Variants in MICAL2 observed in about 807,000 individuals in gnomAD.
MICAL2 encodes [F-actin]-monooxygenase MICAL2.
In MICAL2, 77 loss-of-function variants were observed where a neutral mutation model predicts 127.3. The observed-to-expected ratio is 0.60, with a 90% CI of 0.50 to 0.73. The LOEUF is 0.73. MICAL2 is among the 30% of genes least tolerant of loss of function. The probability of loss-of-function intolerance (pLI) is 0.00; values close to 1 mark genes in which losing one functional copy is unlikely to be tolerated. For missense variants in MICAL2, 1,351 were observed against 1,434.4 expected (o/e 0.94, Z 0.94); for synonymous variants, 570 against 551.1 (o/e 1.03, Z -0.48).
intron 3 of MICAL2, among the ~76,000 whole-genome samples, chr11:12,174,291 A>G (rs1856593401): frequency 6.6e-6 from 1 of 152,162 alleles, no homozygotes; most frequent in African/African-American, 2.4e-5. Flanking sequence ...ATTCATCTCC[A>G]GAAGGTTTTC....
intron 1 of MICAL2, among the ~76,000 whole-genome samples, chr11:12,130,061 A>C (rs1443083686): frequency 6.6e-6 from 1 of 152,114 alleles, no homozygotes; most frequent in Non-Finnish European, 1.5e-5. Context: ...TTACTCCCGA[A>C]CTAAGCACAT....
chr11:12,149,694 G>A (rs913549659), intron 2 of MICAL2, among the ~76,000 whole-genome samples: 9 of 152,204 alleles, frequency 5.9e-5, no homozygotes, highest in African/African-American at 2.2e-4. Flanking sequence ...GGTTGGGGCT[G>A]CAGGAGAAGG....
chr11:12,290,811 G>A (rs1336108722), downstream of MICAL2, among the ~76,000 whole-genome samples: 3 of 152,320 alleles, frequency 2.0e-5, no homozygotes, highest in Admixed American at 6.5e-5. Flanking sequence ...GCACATGTTC[G>A]CATTGATGTA....
chr11:12,327,184 G>A (rs1454599753), exon 32 of MICAL2: 1 of 1,551,784 alleles, frequency 6.4e-7, no homozygotes, highest in South Asian at 1.2e-5. Context: ...CCATCCAGAG[G>A]CAGCTGGAGG....
At chr11:12,203,093 A>C (rs753020543) in intron 3 of MICAL2, among the ~76,000 whole-genome samples, 2 of 152,146 alleles carry the variant, frequency 1.3e-5, no homozygotes, top group Admixed American at 6.5e-5. Flanking sequence ...CATGTATTAG[A>C]ATTTCTTTCC....
At chr11:12,216,966 C>T (rs952204970) in intron 8 of MICAL2, among the ~76,000 whole-genome samples, 2 of 152,234 alleles carry the variant, frequency 1.3e-5, no homozygotes, top group Admixed American at 1.3e-4. Flanking sequence ...TCTGTAACTT[C>T]TCAGCCTTGT....
intron 32 of MICAL2, among the ~76,000 whole-genome samples, chr11:12,345,121 A>T (rs1248543100): frequency 6.6e-6 from 1 of 151,906 alleles, no homozygotes; most frequent in East Asian, 1.9e-4. Context: ...CATCTCAAAA[A>T]AAAAAAGAAA....
chr11:12,196,220 G>C (rs1388727804), intron 3 of MICAL2: 1 of 153,260 alleles, frequency 6.5e-6, no homozygotes, highest in Non-Finnish European at 1.5e-5. Context: ...GAAGAACCAA[G>C]ACTGATTCCA....
At position 12,186,490 on chromosome 11, in the gene MICAL2, C is replaced by T. The variant is rs536236429; in HGVS notation, c.265-17760C>T. Among the ~76,000 whole-genome samples, 4 of 152,232 alleles carry T rather than the reference C, an allele frequency of 2.6e-5. No homozygotes were observed. The South Asian group carries it at 8.3e-4, about 32-fold the overall frequency. On this transcript the variant is annotated intron_variant, in intron 3 of 27. Transcript: ENST00000683283. ...TATATAAATACTATATGTGACCTTC[C>T]CCTTTAAGATTATTTATCCCACGAT...
chr11:12,184,532 C>G (rs1857911588), intron 3 of MICAL2, among the ~76,000 whole-genome samples: 1 of 152,202 alleles, frequency 6.6e-6, no homozygotes, highest in African/African-American at 2.4e-5. Flanking sequence ...TCATCTGTCC[C>G]AGCGAATGTC....
chr11:12,287,708 G>C (rs576493420), downstream of MICAL2, among the ~76,000 whole-genome samples: 15 of 152,336 alleles, frequency 9.8e-5, no homozygotes, highest in Admixed American at 7.8e-4. Flanking sequence ...CTGGGGAAGA[G>C]CAGGGCTGTG....
At chr11:12,232,800 C>T (rs1858477764) in intron 15 of MICAL2, among the ~76,000 whole-genome samples, 1 of 152,144 alleles carries the variant, frequency 6.6e-6, no homozygotes, top group Non-Finnish European at 1.5e-5. Context: ...ACAGTAGTGC[C>T]CTCCTTATCT....
chr11:12,180,112 T>A (rs1211445979), intron 3 of MICAL2, among the ~76,000 whole-genome samples: 1 of 152,160 alleles, frequency 6.6e-6, no homozygotes, highest in Non-Finnish European at 1.5e-5. Flanking sequence ...AAATGCTTTT[T>A]TCAGGGCCAC....
chr11:12,283,389 A>G (rs183059433), intron 2 of MICAL2, among the ~76,000 whole-genome samples: 13 of 152,088 alleles, frequency 8.5e-5, no homozygotes, highest in African/African-American at 3.1e-4. Flanking sequence ...AGCCATGCTC[A>G]TAGAAGCATT....
At position 12,237,987 on chromosome 11, in the gene MICAL2, G is replaced by A. The variant is rs374546800; in HGVS notation, c.2065-1449G>A. 2.6e-5 allele frequency among the ~76,000 whole-genome samples: 4 copies of A among 152,350 alleles called. No homozygotes were observed. The South Asian group carries it at 8.3e-4, about 32-fold the overall frequency. On this transcript the variant is annotated intron_variant, in intron 16 of 27. Transcript: ENST00000683283. ...ACTCAAGCCTGTGCTGTTGTGCACA[G>A]TTACATTTCACTTTGAAGGAGGGTA...
At chr11:12,127,785 G>T (rs555959645) in intron 1 of MICAL2, among the ~76,000 whole-genome samples, 4 of 152,258 alleles carry the variant, frequency 2.6e-5, no homozygotes, top group African/African-American at 9.6e-5. Flanking sequence ...CTTTGTAGGG[G>T]ATAGGATATT....
intron 32 of MICAL2, among the ~76,000 whole-genome samples, chr11:12,340,892 T>A (rs1456575431): frequency 6.6e-6 from 1 of 152,076 alleles, no homozygotes; most frequent in African/African-American, 2.4e-5. Context: ...AAGGGAAAGA[T>A]TAGAATTTTT....
Position 12,192,434 on chromosome 11 carries a change from T to G in MICAL2, c.265-11816T>G, listed in dbSNP as rs369030560. Among the ~76,000 whole-genome samples, 61 of 152,332 alleles carry G rather than the reference T, an allele frequency of 4.0e-4. 1 individual carries two copies. Among genetic ancestry groups the G allele is most frequent in the African/African-American group, 1.1e-3 (44 of 41,586 alleles). On this transcript the variant is annotated intron_variant, in intron 3 of 27. Coordinates refer to ENST00000683283, the MANE Select transcript of MICAL2 (RefSeq NM_001282663.2). ...GTCCATGTCCCCAAATGGGATGGACTGGACTCTGAGCTCTTAGAGGTCAAA... is the reference window on the plus strand; with the variant it reads ...GTCCATGTCCCCAAATGGGATGGACGGGACTCTGAGCTCTTAGAGGTCAAA...
Position 12,239,577 on chromosome 11 carries a change from A to T in MICAL2, c.2206A>T (p.Met736Leu). The change falls in exon 17 of 28, where the codon ATG becomes TTG. Residue 736 changes from methionine (M) to leucine (L), a missense_variant. Met to Leu is a conservative substitution (Grantham distance 15). Transcript: ENST00000683283. ...GGAGAGCACTCGGAACCCCTCACTC[A>T]TGAAGCAGGTGAGTCATGTCAAATA... is the stretch of plus-strand genomic sequence containing the variant. ...FEESTRNPSL[M>L]KQERRVSGIG... The T allele has an allele frequency of 6.2e-7, 1 of 1,614,106 alleles. No individual in the cohort carries two copies. Among genetic ancestry groups the T allele is most frequent in the Non-Finnish European group, 8.5e-7 (1 of 1,179,970 alleles).
Sources: allele counts gnomAD v4.1 joint callset (sites outside exome capture counted in the v4.1 genomes callset), GRCh38; gene constraint gnomAD v4.1.1; transcripts MANE v1.5; gene names NCBI Gene and HGNC (gene_info 2026-07-23, HGNC 2026-07-21).